Variants in PLEKHA8 observed in about 807,000 individuals in gnomAD.
PLEKHA8 encodes the protein pleckstrin homology domain containing A8.
In PLEKHA8, 36 loss-of-function variants were observed where a neutral mutation model predicts 68.2. That is an observed-to-expected ratio of 0.53 (90% confidence interval 0.40 to 0.70). PLEKHA8 has a LOEUF of 0.70. PLEKHA8 is among the 30% of genes least tolerant of loss of function. The pLI is 0.00. For missense variants in PLEKHA8, 505 were observed against 615.4 expected, an observed-to-expected ratio of 0.82 and a Z score of 1.90; for synonymous variants, 211 against 216.1, an observed-to-expected ratio of 0.98 and a Z score of 0.20.
intron 7 of PLEKHA8, among the ~76,000 whole-genome samples, chr7:30,053,870 C>T (rs1256570715): frequency 1.3e-5 from 2 of 152,164 alleles, no homozygotes; most frequent in Non-Finnish European, 2.9e-5. Context: ...ACTTTGGTCA[C>T]AAAATTTTTG....
chr7:30,115,995 C>G (rs1233156199), intron 13 of PLEKHA8: 1 of 139,332 alleles, frequency 7.2e-6, no homozygotes, highest in African/African-American at 2.7e-5. Flanking sequence ...TATGCATACG[C>G]ATACATACGC....
At chr7:30,034,544 ATAAAG>A (rs1416416277) in intron 1 of PLEKHA8, among the ~76,000 whole-genome samples, 1 of 152,214 alleles carries the variant, frequency 6.6e-6, no homozygotes, top group Non-Finnish European at 1.5e-5. Flanking sequence ...CATTCCTACA[ATAAAG>A]TAAGCTAAAG....
At chr7:30,124,728 A>C (rs1205125752) in intron 13 of PLEKHA8, among the ~76,000 whole-genome samples, 1 of 152,124 alleles carries the variant, frequency 6.6e-6, no homozygotes, top group Admixed American at 6.5e-5. Flanking sequence ...AAAAGTACAA[A>C]AGGTTTTCAC....
intron 13 of PLEKHA8, among the ~76,000 whole-genome samples, chr7:30,099,452 CG>C (rs1554280836): frequency 6.6e-6 from 1 of 152,166 alleles, no homozygotes; most frequent in Non-Finnish European, 1.5e-5. Flanking sequence ...ACCCAGAGTG[CG>C]GAGTATGTCC....
chr7:30,067,361 T>C (rs928119976), intron 12 of PLEKHA8, among the ~76,000 whole-genome samples: 2 of 152,166 alleles, frequency 1.3e-5, no homozygotes, highest in African/African-American at 4.8e-5. Flanking sequence ...TTCTAGCTAC[T>C]TGGGGGCCTG....
At chr7:30,033,069 G>A (rs1217694831) in intron 1 of PLEKHA8, among the ~76,000 whole-genome samples, 1 of 152,246 alleles carries the variant, frequency 6.6e-6, no homozygotes, top group Non-Finnish European at 1.5e-5. Context: ...GTACCAGGAA[G>A]ACATCTGGAG....
intron 1 of PLEKHA8, among the ~76,000 whole-genome samples, chr7:30,040,158 G>C (rs1412711120): frequency 1.3e-5 from 2 of 152,324 alleles, no homozygotes; most frequent in Non-Finnish European, 1.5e-5. Context: ...TGTGTTTGCA[G>C]AAAGACCCAG....
rs989847663 is a variant in PLEKHA8, at chr7:30,116,199, CGTATACAT to C, written c.1363-13058_1363-13051del. ...ATATGTATACATACGCATACATACA[CGTATACAT>C]GTATACATATGTATATACGTATACA... On this transcript the variant is annotated intron_variant, in intron 13 of 13. Transcript: ENST00000396257. Among the ~76,000 whole-genome samples, 3 of 150,310 alleles carry C rather than the reference CGTATACAT, an allele frequency of 2.0e-5. No individual in the cohort carries two copies. In the South Asian group the frequency reaches 6.3e-4, roughly 32 times the overall value.
In PLEKHA8 at chr7:30,061,883, T is replaced by A; in HGVS notation, c.1099-14T>A. ...GCATTTTAAACTTAGGTTGTTTCCC[T>A]GCTTTCCCTCCAGAAAGTAAATCAG... On this transcript the variant is annotated splice_polypyrimidine_tract_variant and intron_variant, in intron 10 of 13. Transcript: ENST00000449726. The A allele has an allele frequency of 6.2e-7, 1 of 1,613,372 alleles. No individual in the cohort carries two copies. Among genetic ancestry groups the A allele is most frequent in the African/African-American group, 1.3e-5 (1 of 75,040 alleles).
chr7:30,074,144 T>C lies in PLEKHA8; in HGVS notation c.1362+12T>C. ...GAGGGGTTTTTGCGGTAAGTGATCC[T>C]TCTTGTCTCCTATTATTAACTGTAT... is the stretch of plus-strand genomic sequence containing the variant. On this transcript the variant is annotated intron_variant, in intron 13 of 13. Transcript: ENST00000449726. The C allele has an allele frequency of 6.2e-7, 1 of 1,610,030 alleles. No individual in the cohort carries two copies. The highest frequency in any genetic ancestry group is 1.1e-5 in the South Asian group (1 of 90,998).
intron 13 of PLEKHA8, among the ~76,000 whole-genome samples, chr7:30,099,812 C>T (rs1473003957): frequency 6.6e-6 from 1 of 152,096 alleles, no homozygotes; most frequent in Non-Finnish European, 1.5e-5. Flanking sequence ...GATAACATAA[C>T]AAAAAATTCA....
At chr7:30,118,786 C>G (rs1258328913) in intron 13 of PLEKHA8, among the ~76,000 whole-genome samples, 1 of 152,172 alleles carries the variant, frequency 6.6e-6, no homozygotes. Flanking sequence ...ACCGTGTTAG[C>G]CAGGATGATC....
rs760601203 is a variant in PLEKHA8, at chr7:30,060,877, C to T, written c.1040-7C>T. 7 of 1,609,702 alleles carry T rather than the reference C, an allele frequency of 4.3e-6. No individual in the cohort carries two copies. The highest frequency in any genetic ancestry group is 5.1e-6 in the Non-Finnish European group (6 of 1,178,588). On this transcript the variant is annotated splice_polypyrimidine_tract_variant and splice_region_variant and intron_variant, in intron 9 of 13. Coordinates refer to ENST00000449726, the MANE Select transcript of PLEKHA8 (RefSeq NM_001197026.2). Reference sequence around the variant, plus strand: ...TTTTCAGAAATGTTTTTAATCTTTTCTTCTAGACAAACTTGGCCCTACAGT... The same window carrying T: ...TTTTCAGAAATGTTTTTAATCTTTTTTTCTAGACAAACTTGGCCCTACAGT...
At chr7:30,108,138 T>C (rs1796141936) in intron 13 of PLEKHA8, among the ~76,000 whole-genome samples, 1 of 147,658 alleles carries the variant, frequency 6.8e-6, no homozygotes, top group Non-Finnish European at 1.5e-5. Context: ...TTAAACCAAC[T>C]AATATGGTAA....
intron 1 of PLEKHA8, among the ~76,000 whole-genome samples, chr7:30,035,555 CTG>C (rs1216811207): frequency 6.6e-6 from 1 of 152,062 alleles, no homozygotes; most frequent in African/African-American, 2.4e-5. Flanking sequence ...TGTGAAGTGT[CTG>C]TTCAAATCTT....
Position 30,079,022 on chromosome 7 carries a change from T to G in PLEKHA8, c.*235T>G, listed in dbSNP as rs1318181156. The G allele has an allele frequency of 7.8e-7, 1 of 1,288,948 alleles. No homozygotes were observed. The highest frequency in any genetic ancestry group is 3.7e-5 in the Admixed American group (1 of 27,106). The allele number at this position is 1,288,948 out of a possible 1,614,324, so 79.8% of individuals were successfully genotyped here. On this transcript the variant is annotated 3_prime_UTR_variant, in exon 14 of 14. Coordinates refer to ENST00000449726, the MANE Select transcript of PLEKHA8 (RefSeq NM_001197026.2). ...GCCTACTGGAAACCAAATGATAAGC[T>G]GCTGTAGACTTGAACAGCAAGTTAT...
chr7:30,028,992 CTT>C (rs1199525074), intron 1 of PLEKHA8, among the ~76,000 whole-genome samples, 190 bp downstream of exon 1: 4 of 152,202 alleles, frequency 2.6e-5, no homozygotes, highest in East Asian at 1.9e-4. Flanking sequence ...ACGGCCCTCT[CTT>C]GGGGTTGGTT....
At chr7:30,031,376 T>C (rs1379150054) in intron 1 of PLEKHA8, among the ~76,000 whole-genome samples, 1 of 152,140 alleles carries the variant, frequency 6.6e-6, no homozygotes, top group African/African-American at 2.4e-5. Flanking sequence ...AAGCTGTTAA[T>C]AGTTCGCTGG....
At chr7:30,118,289 A>T (rs1796633241) in intron 13 of PLEKHA8, 1 of 367,836 alleles carries the variant, frequency 2.7e-6, no homozygotes. Flanking sequence ...AGATAGAATG[A>T]GGTCTCAAAA....
Sources: allele counts gnomAD v4.1 joint callset (sites outside exome capture counted in the v4.1 genomes callset), GRCh38; gene constraint gnomAD v4.1.1; transcripts MANE v1.5; gene names NCBI Gene and HGNC (gene_info 2026-07-23, HGNC 2026-07-21).